STARD10: variants seen among roughly 807,000 people sequenced by gnomAD.
The protein encoded by STARD10 is START domain-containing protein 10.
STARD10 carries 24 observed loss-of-function variants against 36.0 expected under a neutral mutation model. The observed-to-expected ratio is 0.67, with a 90% CI of 0.48 to 0.94. The LOEUF is 0.94. Among genes scored for constraint, STARD10 ranks in the 40% least tolerant of loss-of-function variants. STARD10 has a pLI of 0.00. For synonymous variants in STARD10, 156 were observed against 161.9 expected, an observed-to-expected ratio of 0.96 and a Z score of 0.28; for missense variants, 335 against 396.6, an observed-to-expected ratio of 0.84 and a Z score of 1.32.
At chr11:72,773,302 T>G (rs1242212401) in intron 2 of STARD10, among the ~76,000 whole-genome samples, 2 of 152,136 alleles carry the variant, frequency 1.3e-5, no homozygotes. Flanking sequence ...TCTTGGTACC[T>G]CCCTCTATCC....
At chr11:72,773,682 A>G (rs760771201) in intron 2 of STARD10, among the ~76,000 whole-genome samples, 5 of 152,142 alleles carry the variant, frequency 3.3e-5, no homozygotes, top group Non-Finnish European at 7.4e-5. Context: ...CTGCCAGACT[A>G]AGGGCCACAT....
rs1858664114 is a variant in STARD10 at position 72,757,851 on chromosome 11, C to T, written c.493G>A (p.Val165Met). ...YPPRKDLVRA[V>M]SIQTGYLIQS... ...ATGAGGTAGCCCGTCTGGATGGACACAGCTCGGACCAAGTCTTTCCGAGGT... is the reference window on the plus strand; with the variant it reads ...ATGAGGTAGCCCGTCTGGATGGACATAGCTCGGACCAAGTCTTTCCGAGGT... Residue 165 changes from valine (V) to methionine (M), a missense_variant, in exon 5 of 7, where the codon GTG becomes ATG. By Grantham distance (21) the Val-to-Met change is conservative. Coordinates refer to ENST00000334805, the MANE Select transcript of STARD10 (RefSeq NM_006645.3). 2.5e-6 allele frequency: 4 copies of T among 1,614,112 alleles called. No homozygotes were observed. Among genetic ancestry groups the T allele is most frequent in the Non-Finnish European group, 3.4e-6 (4 of 1,180,036 alleles).
chr11:72,758,988 T>C (rs561585641), intron 3 of STARD10, among the ~76,000 whole-genome samples: 1 of 152,262 alleles, frequency 6.6e-6, no homozygotes, highest in East Asian at 1.9e-4. Context: ...GTGTGCCTGA[T>C]TGAGTGTATG....
At chr11:72,756,119 C>T (rs1371211247) in intron 5 of STARD10, among the ~76,000 whole-genome samples, 2 of 152,122 alleles carry the variant, frequency 1.3e-5, no homozygotes, top group Admixed American at 6.5e-5. Context: ...CCCAGGAATG[C>T]CCCTGACGCT....
chr11:72,786,337 G>A (rs1030176915), intron 1 of STARD10, among the ~76,000 whole-genome samples: 26 of 151,834 alleles, frequency 1.7e-4, no homozygotes, highest in Non-Finnish European at 3.1e-4. Context: ...GGGTGACAGA[G>A]CAAGACTCTG....
At chr11:72,773,179 A>G (rs1248187246) in intron 2 of STARD10, among the ~76,000 whole-genome samples, 1 of 152,254 alleles carries the variant, frequency 6.6e-6, no homozygotes, top group Non-Finnish European at 1.5e-5. Flanking sequence ...CAGTAGAGAC[A>G]TTAAGGACAC....
chr11:72,772,001 C>T (rs1463757844), intron 2 of STARD10, among the ~76,000 whole-genome samples: 3 of 152,160 alleles, frequency 2.0e-5, no homozygotes, highest in Admixed American at 6.5e-5. Context: ...TGGACTGACG[C>T]CCCCAGAGCT....
At chr11:72,761,917 C>CTTTTTTTTTTTTTTTTTTTTTTTTTTT (rs1189000490) in intron 2 of STARD10, among the ~76,000 whole-genome samples, 10 of 37,478 alleles carry the variant, frequency 2.7e-4, no homozygotes, top group East Asian at 7.6e-4. Context: ...CTTTTCTTTT[C>CTTTTTTTTTTTTTTTTTTTTTTTTTTT]TTTTTTTTTT....
intron 1 of STARD10, among the ~76,000 whole-genome samples, chr11:72,788,246 C>A (rs779754958): frequency 6.6e-6 from 1 of 152,186 alleles, no homozygotes; most frequent in Non-Finnish European, 1.5e-5. Context: ...ACTAATGGTC[C>A]CTGCCTGACC....
chr11:72,757,678 G>T, intron 5 of STARD10, 89 bp downstream of exon 5: 1 of 1,210,722 alleles, frequency 8.3e-7, no homozygotes, highest in Non-Finnish European at 1.2e-6. Context: ...GCTCCTAACA[G>T]ATGCCCTTCT....
intron 2 of STARD10, among the ~76,000 whole-genome samples, chr11:72,759,608 C>T (rs2291293): frequency 0.099 from 15,133 of 152,144 alleles, 839 homozygotes; most frequent in South Asian, 0.18. Flanking sequence ...CCATCTCCCC[C>T]GACTCAGCCC....
intron 1 of STARD10, chr11:72,785,673 C>T (rs1859063149): frequency 6.6e-6 from 1 of 152,518 alleles, no homozygotes; most frequent in African/African-American, 2.4e-5. Context: ...TTCCACTTGC[C>T]TGCCGGTGAC....
In STARD10 at chr11:72,793,928, A is replaced by C. The variant is rs1352520395; in HGVS notation, c.-1167T>G. On this transcript the variant is annotated 5_prime_UTR_variant, in exon 1 of 7. Coordinates refer to ENST00000334805, the MANE Select transcript of STARD10 (RefSeq NM_006645.3). The stretch of plus-strand genomic sequence containing the variant: ...ACAGCCCAACAACGGCGGCGATCTG[A>C]GGAGAGGCAGGAGAAAATACGGCGC... 6.6e-6 allele frequency: 1 copy of C among 152,202 alleles called. No homozygotes were observed. The highest frequency in any genetic ancestry group is 2.4e-5 in the African/African-American group (1 of 41,448). 9.4% of individuals were successfully genotyped at this position (152,202 alleles called of 1,614,324 possible).
At chr11:72,766,719 A>C (rs1022288088) in intron 2 of STARD10, among the ~76,000 whole-genome samples, 2 of 152,012 alleles carry the variant, frequency 1.3e-5, no homozygotes, top group African/African-American at 4.8e-5. Context: ...CTCTCCCAAG[A>C]CCCAGGGAGA....
At position 72,755,134 on chromosome 11, in the gene STARD10, C is replaced by A; in HGVS notation, c.639G>T (p.Lys213Asn). The change falls in exon 7 of 7, where the codon AAG becomes AAT. Residue 213 changes from lysine (K) to asparagine (N), a missense_variant. Coordinates refer to ENST00000334805, the MANE Select transcript of STARD10 (RefSeq NM_006645.3). ...ACTTGAGGCACGCCTTGTACATCTT[C>A]TTCATGGCCTGTGGGCCCGCCGCCC... ...SSQFLAPKAMKKMYKACLKYP... is the reference protein window; with the variant it reads ...SSQFLAPKAMNKMYKACLKYP... 1 of 1,611,884 alleles carries A rather than the reference C, an allele frequency of 6.2e-7. No individual in the cohort carries two copies. The highest frequency in any genetic ancestry group is 8.5e-7 in the Non-Finnish European group (1 of 1,178,890).
chr11:72,787,982 T>C (rs1859095514), intron 1 of STARD10, among the ~76,000 whole-genome samples: 7 of 152,198 alleles, frequency 4.6e-5, no homozygotes, highest in Admixed American at 3.3e-4. Flanking sequence ...GGGACACCGT[T>C]TGGGTGATAG....
At chr11:72,784,825 C>T (rs986346757) in intron 1 of STARD10, among the ~76,000 whole-genome samples, 26 of 152,286 alleles carry the variant, frequency 1.7e-4, no homozygotes, top group East Asian at 5.8e-4. Flanking sequence ...AGACTGTGTA[C>T]GAGAAGGCGC....
chr11:72,787,191 C>T, intron 1 of STARD10, among the ~76,000 whole-genome samples: 1 of 152,066 alleles, frequency 6.6e-6, no homozygotes, highest in East Asian at 1.9e-4. Flanking sequence ...ACCCAGATGG[C>T]CTGGCCAAGC....
chr11:72,779,560 C>A (rs1410658615), intron 2 of STARD10, among the ~76,000 whole-genome samples: 1 of 152,024 alleles, frequency 6.6e-6, no homozygotes, highest in Non-Finnish European at 1.5e-5. Context: ...TACACTTCAG[C>A]CTGAGAGACA....
Sources: allele counts gnomAD v4.1 joint callset (sites outside exome capture counted in the v4.1 genomes callset), GRCh38; gene constraint gnomAD v4.1.1; transcripts MANE v1.5; gene names NCBI Gene and HGNC (gene_info 2026-07-23, HGNC 2026-07-21).